EFCAB6: variants seen among roughly 807,000 people sequenced by gnomAD.
EFCAB6 encodes EF-hand calcium binding domain 6, also known as EF-hand calcium-binding domain-containing protein 6.
EFCAB6 carries 156 observed loss-of-function variants against 169.8 expected under a neutral mutation model. The observed-to-expected ratio is 0.92, with a 90% CI of 0.81 to 1.05. EFCAB6 has a LOEUF of 1.05. EFCAB6 is among the 50% of genes least tolerant of loss of function. The pLI is 0.00. For missense variants in EFCAB6, 1,800 were observed against 1,829.1 expected (o/e 0.98, Z 0.29); for synonymous variants, 698 against 676.4 (o/e 1.03, Z -0.50).
chr22:43,640,824 T>A (rs1462524169), intron 17 of EFCAB6, among the ~76,000 whole-genome samples: 1 of 152,202 alleles, frequency 6.6e-6, no homozygotes, highest in South Asian at 2.1e-4. Context: ...ATACTTGGTA[T>A]CTCTGGGAAG....
At chr22:43,680,995 G>C (rs1299846353) in intron 12 of EFCAB6, among the ~76,000 whole-genome samples, 6 of 152,178 alleles carry the variant, frequency 3.9e-5, no homozygotes, top group African/African-American at 1.4e-4. Context: ...CTCTAGCACA[G>C]TGTTGACTAG....
chr22:43,615,737 G>C (rs929463694), intron 21 of EFCAB6, 89 bp downstream of exon 21: 3 of 1,132,298 alleles, frequency 2.6e-6, no homozygotes, highest in Non-Finnish European at 3.8e-6. Context: ...CCATCTTAGC[G>C]TCTGGATCTG....
intron 8 of EFCAB6, among the ~76,000 whole-genome samples, chr22:43,719,372 C>T (rs1293301344): frequency 6.6e-6 from 1 of 152,164 alleles, no homozygotes; most frequent in African/African-American, 2.4e-5. Flanking sequence ...TCACTGCAGG[C>T]GAAAGGAAAT....
intron 12 of EFCAB6, 105 bp downstream of exon 12, chr22:43,683,642 G>T: frequency 2.4e-6 from 2 of 850,984 alleles, no homozygotes; most frequent in South Asian, 1.5e-5. Context: ...AGTGTTTGTT[G>T]GATGGATAAA....
At chr22:43,626,083 A>T (rs1355713680) in intron 20 of EFCAB6, among the ~76,000 whole-genome samples, 4 of 152,230 alleles carry the variant, frequency 2.6e-5, no homozygotes, top group South Asian at 2.1e-4. Context: ...GTATATATAT[A>T]TTTTCATACA....
chr22:43,652,350 C>T (rs374066462), intron 17 of EFCAB6, among the ~76,000 whole-genome samples: 1 of 152,318 alleles, frequency 6.6e-6, no homozygotes, highest in East Asian at 1.9e-4. Flanking sequence ...ACTTGTTCCT[C>T]CTCGCCTTCC....
At chr22:43,778,224 G>GTC (rs1294826001) in intron 3 of EFCAB6, among the ~76,000 whole-genome samples, 2 of 152,170 alleles carry the variant, frequency 1.3e-5, no homozygotes, top group African/African-American at 4.8e-5. Flanking sequence ...GCTGACAGAT[G>GTC]GATGAGATTC....
intron 2 of EFCAB6, among the ~76,000 whole-genome samples, chr22:43,792,526 A>G (rs1302503075): frequency 6.6e-6 from 1 of 152,258 alleles, no homozygotes; most frequent in African/African-American, 2.4e-5. Flanking sequence ...CTGATGAGGA[A>G]TTTTAAGAAG....
At chr22:43,533,183 A>C (rs2047181867) in intron 30 of EFCAB6, among the ~76,000 whole-genome samples, 1 of 152,220 alleles carries the variant, frequency 6.6e-6, no homozygotes, top group Non-Finnish European at 1.5e-5. Context: ...GAAACAGAGA[A>C]AACTGTAGAC....
chr22:43,671,161 T>C (rs990168753), intron 15 of EFCAB6, among the ~76,000 whole-genome samples: 2 of 152,106 alleles, frequency 1.3e-5, no homozygotes, highest in African/African-American at 4.8e-5. Flanking sequence ...GACTGCAAAG[T>C]GGTTTTTTTG....
chr22:43,797,746 A>C (rs9614187), intron 2 of EFCAB6, among the ~76,000 whole-genome samples: 71,556 of 151,832 alleles, frequency 0.47, 17,360 homozygotes, highest in Middle Eastern at 0.57. Flanking sequence ...TCCTAGTGCT[A>C]TTAGAACCAA....
intron 6 of EFCAB6, among the ~76,000 whole-genome samples, chr22:43,748,968 T>C (rs1248132594): frequency 6.6e-6 from 1 of 152,114 alleles, no homozygotes. Flanking sequence ...GGAATGCAGA[T>C]TATAAGGGGC....
At chr22:43,774,904 T>C (rs984927566) in intron 3 of EFCAB6, among the ~76,000 whole-genome samples, 1 of 151,866 alleles carries the variant, frequency 6.6e-6, no homozygotes, top group African/African-American at 2.4e-5. Flanking sequence ...AGTGGGACTG[T>C]CATCAAAAGA....
chr22:43,641,820 C>T (rs376224591), intron 17 of EFCAB6, among the ~76,000 whole-genome samples: 2 of 152,142 alleles, frequency 1.3e-5, no homozygotes, highest in African/African-American at 4.8e-5. Flanking sequence ...TAATACTACA[C>T]TTAGCAAAGT....
At chr22:43,647,288 G>A (rs995383801) in intron 17 of EFCAB6, among the ~76,000 whole-genome samples, 32 of 152,232 alleles carry the variant, frequency 2.1e-4, no homozygotes, top group African/African-American at 7.0e-4. Flanking sequence ...ATATTTGGTT[G>A]TATAAAAACT....
chr22:43,583,119 C>T (rs922461850), intron 24 of EFCAB6, among the ~76,000 whole-genome samples: 1 of 152,092 alleles, frequency 6.6e-6, no homozygotes, highest in Admixed American at 6.5e-5. Context: ...TTGGACCCAC[C>T]TCAGCCAAAG....
intron 6 of EFCAB6, among the ~76,000 whole-genome samples, chr22:43,740,691 G>A (rs528824500): frequency 2.0e-5 from 3 of 152,324 alleles, no homozygotes; most frequent in African/African-American, 7.2e-5. Flanking sequence ...GGAATACTGA[G>A]TGCAGCCGAG....
At position 43,753,957 on chromosome 22, in the gene EFCAB6, C is replaced by T. The variant is rs561100605; in HGVS notation, c.507+1809G>A. Among the ~76,000 whole-genome samples, 17 of 152,324 alleles carry T rather than the reference C, an allele frequency of 1.1e-4. No homozygotes were observed. In the South Asian group the frequency reaches 2.9e-3, roughly 26 times the overall value. ...GCAATGACATGTGTATGAAGAGAGGCTTACTTAGATCATTCCTAAGTCTTT... is the reference window on the plus strand; with the variant it reads ...GCAATGACATGTGTATGAAGAGAGGTTTACTTAGATCATTCCTAAGTCTTT... On this transcript the variant is annotated intron_variant, in intron 6 of 31. Coordinates refer to ENST00000262726, the MANE Select transcript of EFCAB6 (RefSeq NM_022785.4).
At position 43,782,275 on chromosome 22, in the gene EFCAB6, G is replaced by C; in HGVS notation, c.44C>G (p.Pro15Arg). 1.9e-6 allele frequency: 3 copies of C among 1,614,050 alleles called. No individual in the cohort carries two copies. Among genetic ancestry groups the C allele is most frequent in the Non-Finnish European group, 2.5e-6 (3 of 1,179,966 alleles). ...TGAATGTGTAAATTTTCGTGTGTGA[G>C]GATGCGACCTAAGCCAGTCTGGTAT... ...AIIPDWLRSH[P>R]HTRKFTHSRP... Residue 15 changes from proline to arginine, a missense_variant, in exon 3 of 32, where the codon CCT becomes CGT. Transcript: ENST00000262726.
Sources: allele counts gnomAD v4.1 joint callset (sites outside exome capture counted in the v4.1 genomes callset), GRCh38; gene constraint gnomAD v4.1.1; transcripts MANE v1.5; gene names NCBI Gene and HGNC (gene_info 2026-07-23, HGNC 2026-07-21).